Variants in SPAG16 observed in about 807,000 individuals in gnomAD.
SPAG16 encodes the protein sperm-associated antigen 16 protein.
A neutral mutation model predicts 80.4 loss-of-function variants in SPAG16; 86 were observed. That is an observed-to-expected ratio of 1.07 (90% CI 0.90 to 1.28). The LOEUF is 1.28. Ranked by LOEUF, SPAG16 falls within the 50% of genes most tolerant of loss-of-function variation. The pLI is 0.00. For missense variants in SPAG16, 870 were observed against 765.3 expected, an observed-to-expected ratio of 1.14 and a Z score of -1.61; for synonymous variants, 294 against 265.9, an observed-to-expected ratio of 1.11 and a Z score of -1.03.
chr2:213,817,980 A>G (rs190461241), intron 10 of SPAG16, among the ~76,000 whole-genome samples: 23 of 152,288 alleles, frequency 1.5e-4, no homozygotes, highest in Admixed American at 3.9e-4. Context: ...TAAAAGTTGA[A>G]ATTATTAAAA....
intron 10 of SPAG16, among the ~76,000 whole-genome samples, chr2:213,669,452 T>A (rs1359680650): frequency 6.6e-6 from 1 of 152,154 alleles, no homozygotes; most frequent in African/African-American, 2.4e-5. Context: ...TTCCTCATTT[T>A]AAAAAAATGA....
In SPAG16 at chr2:213,286,655, C is replaced by T. The variant is rs55949963; in HGVS notation, c.136+2036C>T. Among the ~76,000 whole-genome samples the T allele has an allele frequency of 7.6e-3, 1,152 of 152,320 alleles. 26 individuals are homozygous for T. Among genetic ancestry groups the T allele is most frequent in the African/African-American group, 0.027 (1,106 of 41,580 alleles). On this transcript the variant is annotated intron_variant, in intron 1 of 15. Transcript: ENST00000331683. ...ATCAGAAATCTGATGTCCTCTGCTT[C>T]GCACATATACTCAATCACTTCTAAT...
intron 5 of SPAG16, 42 bp downstream of exon 5, chr2:213,317,398 G>A (rs1411844007): frequency 6.3e-7 from 1 of 1,577,672 alleles, no homozygotes; most frequent in East Asian, 2.2e-5. Context: ...TTTTCTTTTG[G>A]ACTAAATAAA....
At chr2:213,913,352 A>G (rs1157498977) in intron 11 of SPAG16, among the ~76,000 whole-genome samples, 2 of 152,090 alleles carry the variant, frequency 1.3e-5, no homozygotes, top group South Asian at 2.1e-4. Flanking sequence ...AGCATTCTGC[A>G]TATCTGGAGA....
intron 15 of SPAG16, among the ~76,000 whole-genome samples, chr2:214,319,200 C>CACCA (rs140486125): frequency 7.0e-6 from 1 of 142,338 alleles, no homozygotes; most frequent in African/African-American, 2.6e-5. Context: ...CACACACACA[C>CACCA]CACACACACA....
intron 10 of SPAG16, among the ~76,000 whole-genome samples, chr2:213,728,286 GC>G (rs2066865235): frequency 6.6e-6 from 1 of 152,148 alleles, no homozygotes; most frequent in Non-Finnish European, 1.5e-5. Flanking sequence ...GGAGCTTGTG[GC>G]TTCCTTAGAG....
At chr2:214,183,738 A>G (rs959958467) in intron 15 of SPAG16, among the ~76,000 whole-genome samples, 1 of 152,010 alleles carries the variant, frequency 6.6e-6, no homozygotes, top group Non-Finnish European at 1.5e-5. Flanking sequence ...TATTTTCGTC[A>G]TCTGTGTAGT....
At chr2:213,989,518 C>G (rs1284603667) in intron 12 of SPAG16, among the ~76,000 whole-genome samples, 1 of 152,058 alleles carries the variant, frequency 6.6e-6, no homozygotes, top group Non-Finnish European at 1.5e-5. Flanking sequence ...TTTGAGCATG[C>G]CCTTACTAAA....
intron 12 of SPAG16, among the ~76,000 whole-genome samples, chr2:213,979,286 CT>C (rs2045574044): frequency 6.6e-6 from 1 of 151,948 alleles, no homozygotes; most frequent in Admixed American, 6.6e-5. Flanking sequence ...TGGAATTATA[CT>C]TTATAATTCA....
chr2:213,383,753 A>G (rs2067292469), intron 9 of SPAG16, among the ~76,000 whole-genome samples: 1 of 152,218 alleles, frequency 6.6e-6, no homozygotes, highest in African/African-American at 2.4e-5. Context: ...AAAGCTTATT[A>G]TTAGTAAACA....
At chr2:213,939,561 A>G (rs1474592046) in intron 12 of SPAG16, among the ~76,000 whole-genome samples, 1 of 152,202 alleles carries the variant, frequency 6.6e-6, no homozygotes, top group African/African-American at 2.4e-5. Flanking sequence ...AAGCCTTCTT[A>G]TCTTTACAAA....
chr2:214,376,576 A>G (rs1700147188), intron 15 of SPAG16, among the ~76,000 whole-genome samples: 1 of 152,146 alleles, frequency 6.6e-6, no homozygotes, highest in South Asian at 2.1e-4. Context: ...CTTGATAATA[A>G]TCTTGTATTG....
chr2:213,755,445 T>G (rs2068279935), intron 10 of SPAG16, among the ~76,000 whole-genome samples: 1 of 152,222 alleles, frequency 6.6e-6, no homozygotes, highest in South Asian at 2.1e-4. Flanking sequence ...ATTTCTCCTT[T>G]GAAATATATA....
intron 15 of SPAG16, among the ~76,000 whole-genome samples, chr2:214,304,360 C>A (rs1164494020): frequency 6.6e-6 from 1 of 152,180 alleles, no homozygotes; most frequent in Non-Finnish European, 1.5e-5. Flanking sequence ...ACCTGGCCGC[C>A]CAGGGCAGAA....
At chr2:213,322,334 C>CAAAAAAAAA (rs755345457) in intron 5 of SPAG16, among the ~76,000 whole-genome samples, 1 of 23,698 alleles carries the variant, frequency 4.2e-5, no homozygotes, top group Non-Finnish European at 8.7e-5. Context: ...GTAGACAATG[C>CAAAAAAAAA]AAAAAAAAAA....
chr2:213,626,942 C>T (rs2061984545), intron 10 of SPAG16, among the ~76,000 whole-genome samples: 1 of 152,062 alleles, frequency 6.6e-6, no homozygotes, highest in Non-Finnish European at 1.5e-5. Flanking sequence ...GACACTGAGC[C>T]CACCCTGAAT....
chr2:213,553,882 A>G (rs1329111993), intron 10 of SPAG16, among the ~76,000 whole-genome samples: 1 of 152,186 alleles, frequency 6.6e-6, no homozygotes, highest in Non-Finnish European at 1.5e-5. Context: ...GCACTCCTGC[A>G]GACTCCTCTG....
chr2:213,507,865 C>G (rs1337933666), intron 10 of SPAG16, among the ~76,000 whole-genome samples: 1 of 152,198 alleles, frequency 6.6e-6, no homozygotes, highest in Non-Finnish European at 1.5e-5. Context: ...TCTATTATCC[C>G]TTCATTTTCC....
At chr2:214,100,307 A>G (rs978036573) in intron 13 of SPAG16, among the ~76,000 whole-genome samples, 44 of 152,218 alleles carry the variant, frequency 2.9e-4, no homozygotes, top group African/African-American at 9.1e-4. Flanking sequence ...ATGGACTAAT[A>G]CAATCACTAA....
Sources: allele counts gnomAD v4.1 joint callset (sites outside exome capture counted in the v4.1 genomes callset), GRCh38; gene constraint gnomAD v4.1.1; transcripts MANE v1.5; gene names NCBI Gene and HGNC (gene_info 2026-07-23, HGNC 2026-07-21).